Variants in COL22A1 observed in about 807,000 individuals in gnomAD.
The protein encoded by COL22A1 is collagen type XXII alpha 1 chain, also known as collagen alpha-1(XXII) chain.
COL22A1 carries 221 observed loss-of-function variants against 248.9 expected under a neutral mutation model. The observed-to-expected ratio is 0.89, with a 90% CI of 0.80 to 0.99. COL22A1 has a LOEUF of 0.99. Among genes scored for constraint, COL22A1 ranks in the 50% least tolerant of loss-of-function variants. The pLI is 0.00. For missense variants in COL22A1, 2,240 were observed against 2,179.0 expected (o/e 1.03, Z -0.56); for synonymous variants, 891 against 793.4 (o/e 1.12, Z -2.07).
intron 2 of COL22A1, 128 bp from the exon 3 acceptor site, chr8:138,878,444 A>G: frequency 1.2e-6 from 1 of 804,726 alleles, no homozygotes; most frequent in South Asian, 2.4e-5. Context: ...CTCATGACCC[A>G]AGGGCCCTGG....
At chr8:138,727,127 G>A (rs1830377764) in intron 23 of COL22A1, among the ~76,000 whole-genome samples, 1 of 152,132 alleles carries the variant, frequency 6.6e-6, no homozygotes. Context: ...CACCTTCAGT[G>A]GCTCTGATTT....
chr8:138,761,382 T>A lies in COL22A1; in HGVS notation c.1857+1031A>T, dbSNP rs534607758. Among the ~76,000 whole-genome samples, 6 of 152,284 alleles carry A rather than the reference T, an allele frequency of 3.9e-5. No individual in the cohort carries two copies. The South Asian group carries it at 1.2e-3, about 32-fold the overall frequency. On this transcript the variant is annotated intron_variant, in intron 17 of 64. Coordinates refer to ENST00000303045, the MANE Select transcript of COL22A1 (RefSeq NM_152888.3). ...ATTTGAGTCAGGCCTTTGGTGAATA[T>A]TTTTTTAAATGGTTCCACGTTTATG...
intron 10 of COL22A1, among the ~76,000 whole-genome samples, chr8:138,806,031 T>TGTGTGATGGC (rs1817610342): frequency 3.7e-5 from 1 of 27,004 alleles, no homozygotes; most frequent in Non-Finnish European, 6.9e-5. Context: ...GGTGTGTGGT[T>TGTGTGATGGC]GTGTGTGTGA....
At chr8:138,607,607 C>T (rs1000877821) in intron 57 of COL22A1, among the ~76,000 whole-genome samples, 2 of 151,310 alleles carry the variant, frequency 1.3e-5, no homozygotes, top group Non-Finnish European at 1.5e-5. Context: ...CTCAGTCTGA[C>T]CTCATCCTCC....
chr8:138,611,972 T>C (rs1040040805), intron 56 of COL22A1, among the ~76,000 whole-genome samples: 2 of 152,252 alleles, frequency 1.3e-5, no homozygotes, highest in African/African-American at 4.8e-5. Flanking sequence ...CCAATATTCA[T>C]TCACTTGTTT....
Position 138,883,264 on chromosome 8 carries a change from CT to C in COL22A1, c.-72-21del. ...CATGGCCTGTGTGGAGAAAGACACC[CT>C]TAGAGAAGGCTCTCAAGCTGAAAGT... On this transcript the variant is annotated intron_variant, in intron 1 of 64. Coordinates refer to ENST00000303045, the MANE Select transcript of COL22A1 (RefSeq NM_152888.3). 1 of 1,282,794 alleles carries C rather than the reference CT, an allele frequency of 7.8e-7. No individual in the cohort carries two copies. The highest frequency in any genetic ancestry group is 1.1e-6 in the Non-Finnish European group (1 of 925,290). 79.5% of individuals were successfully genotyped at this position (1,282,794 alleles called of 1,614,324 possible). A position where few individuals can be genotyped will look rare whatever the true frequency, so the allele number is the denominator to read the frequency against.
intron 23 of COL22A1, among the ~76,000 whole-genome samples, chr8:138,729,824 A>G (rs1168703666): frequency 6.6e-6 from 1 of 152,144 alleles, no homozygotes; most frequent in Non-Finnish European, 1.5e-5. Flanking sequence ...AACTCTAAAT[A>G]GAGCAGCCGC....
chr8:138,606,492 G>T, intron 57 of COL22A1, 40 bp from the exon 58 acceptor site: 1 of 1,591,554 alleles, frequency 6.3e-7, no homozygotes, highest in South Asian at 1.1e-5. Context: ...TCAAGGTCAC[G>T]TACCAACTCA....
intron 31 of COL22A1, among the ~76,000 whole-genome samples, chr8:138,701,845 G>T (rs1054021408): frequency 6.6e-6 from 1 of 152,168 alleles, no homozygotes; most frequent in Non-Finnish European, 1.5e-5. Context: ...TTGACTAATA[G>T]ATTTTTTCTA....
rs573233319 is a variant in COL22A1 at position 138,663,808 on chromosome 8, T to G, written c.3151-68A>C. 19 of 1,248,162 alleles carry G rather than the reference T, an allele frequency of 1.5e-5. No homozygotes were observed. In the South Asian group the frequency reaches 2.2e-4, roughly 14 times the overall value. 77.3% of individuals were successfully genotyped at this position (1,248,162 alleles called of 1,614,324 possible). A position where few individuals can be genotyped will look rare whatever the true frequency, so the allele number is the denominator to read the frequency against. ...ATGCTGATGTAAACAAGCTATGGTG[T>G]TTATTCCATAGACAGGTCCTCAGTT... On this transcript the variant is annotated intron_variant, in intron 41 of 64. Transcript: ENST00000303045.
At chr8:138,802,165 G>A (rs965555381) in intron 11 of COL22A1, among the ~76,000 whole-genome samples, 4 of 152,246 alleles carry the variant, frequency 2.6e-5, no homozygotes, top group Non-Finnish European at 4.4e-5. Context: ...GGATAGAAAG[G>A]TTAAGTATCT....
chr8:138,616,353 G>T (rs1015483587), intron 54 of COL22A1, among the ~76,000 whole-genome samples: 1 of 152,198 alleles, frequency 6.6e-6, no homozygotes, highest in African/African-American at 2.4e-5. Flanking sequence ...CTCCTTATCT[G>T]CTCATCCACT....
At chr8:138,785,209 T>A (rs1448166097) in intron 12 of COL22A1, among the ~76,000 whole-genome samples, 2 of 152,188 alleles carry the variant, frequency 1.3e-5, no homozygotes, top group African/African-American at 2.4e-5. Context: ...GAACACTCAT[T>A]TGACTGCCTC....
intron 55 of COL22A1, 122 bp downstream of exon 55, chr8:138,615,879 G>T: frequency 1.4e-6 from 1 of 700,196 alleles, no homozygotes. Context: ...ATCCTGTGAT[G>T]TCATCTGTGT....
At chr8:138,856,491 C>G (rs568683496) in intron 3 of COL22A1, among the ~76,000 whole-genome samples, 1 of 141,156 alleles carries the variant, frequency 7.1e-6, no homozygotes, top group Non-Finnish European at 1.5e-5. Context: ...ACAGAGAGAG[C>G]GAGAGAGACA....
chr8:138,851,306 G>A (rs933386042), intron 3 of COL22A1, among the ~76,000 whole-genome samples: 5 of 152,322 alleles, frequency 3.3e-5, no homozygotes, highest in Admixed American at 6.5e-5. Flanking sequence ...CTTATCATGA[G>A]GGTGAGGAGG....
intron 45 of COL22A1, among the ~76,000 whole-genome samples, chr8:138,650,600 T>C (rs866036121): frequency 1.3e-5 from 2 of 152,092 alleles, no homozygotes; most frequent in African/African-American, 4.8e-5. Flanking sequence ...TCATCCACCC[T>C]GCCTCTCTCC....
intron 12 of COL22A1, among the ~76,000 whole-genome samples, chr8:138,784,043 C>T (rs1815282966): frequency 6.6e-6 from 1 of 152,158 alleles, no homozygotes; most frequent in Non-Finnish European, 1.5e-5. Flanking sequence ...GCTGTTCATT[C>T]TTAAACTTGT....
At chr8:138,633,426 T>C (rs1820889262) in intron 49 of COL22A1, among the ~76,000 whole-genome samples, 1 of 152,242 alleles carries the variant, frequency 6.6e-6, no homozygotes, top group Non-Finnish European at 1.5e-5. Context: ...TCTAACTTAT[T>C]GCAGCTTCCA....
Sources: allele counts gnomAD v4.1 joint callset (sites outside exome capture counted in the v4.1 genomes callset), GRCh38; gene constraint gnomAD v4.1.1; transcripts MANE v1.5; gene names NCBI Gene and HGNC (gene_info 2026-07-23, HGNC 2026-07-21).